Variants in MYO1B observed in about 807,000 individuals in gnomAD.
MYO1B encodes unconventional myosin-Ib.
MYO1B carries 72 observed loss-of-function variants against 159.7 expected under a neutral mutation model. That is an observed-to-expected ratio of 0.45 (90% CI 0.37 to 0.55). The LOEUF is 0.55. Among genes scored for constraint, MYO1B ranks in the 20% least tolerant of loss-of-function variants. MYO1B has a pLI of 0.00. For missense variants in MYO1B, 1,062 were observed against 1,364.8 expected, an observed-to-expected ratio of 0.78 and a Z score of 3.50; for synonymous variants, 468 against 473.8, an observed-to-expected ratio of 0.99 and a Z score of 0.16.
intron 2 of MYO1B, among the ~76,000 whole-genome samples, chr2:191,288,569 C>G (rs1169455326): frequency 6.6e-6 from 1 of 152,178 alleles, no homozygotes; most frequent in African/African-American, 2.4e-5. Flanking sequence ...ATCTAAAAGA[C>G]TCACTTCCTA....
chr2:191,372,309 A>C (rs1183470313), intron 13 of MYO1B, among the ~76,000 whole-genome samples: 1 of 152,224 alleles, frequency 6.6e-6, no homozygotes, highest in African/African-American at 2.4e-5. Flanking sequence ...AACACATGGA[A>C]AGTTTAAAAA....
At chr2:191,279,501 A>T (rs1309588524) in intron 2 of MYO1B, among the ~76,000 whole-genome samples, 1 of 152,174 alleles carries the variant, frequency 6.6e-6, no homozygotes, top group Admixed American at 6.5e-5. Context: ...ACTTAAGTCA[A>T]TCATATATTG....
chr2:191,312,812 C>T (rs1049289515), intron 3 of MYO1B, among the ~76,000 whole-genome samples: 7 of 152,162 alleles, frequency 4.6e-5, no homozygotes, highest in African/African-American at 1.4e-4. Context: ...CTTGGGCATG[C>T]CCTGGGATGC....
intron 30 of MYO1B, among the ~76,000 whole-genome samples, chr2:191,421,205 G>C (rs935028511): frequency 2.0e-5 from 3 of 151,664 alleles, no homozygotes; most frequent in African/African-American, 7.3e-5. Context: ...GAGTAGCTGA[G>C]GTTACAGGCA....
intron 5 of MYO1B, among the ~76,000 whole-genome samples, chr2:191,343,474 AAGAG>A (rs557710903): frequency 2.6e-5 from 4 of 152,216 alleles, no homozygotes; most frequent in Non-Finnish European, 5.9e-5. Flanking sequence ...TTAGTAGCAT[AAGAG>A]AGAAATGAAG....
intron 20 of MYO1B, 103 bp downstream of exon 20, chr2:191,393,325 A>T (rs1695875479): frequency 7.7e-7 from 1 of 1,305,146 alleles, no homozygotes; most frequent in African/African-American, 1.5e-5. Flanking sequence ...AATTCTCCCA[A>T]CAACCTCATG....
intron 1 of MYO1B, among the ~76,000 whole-genome samples, chr2:191,259,048 C>T (rs1686638061): frequency 6.6e-6 from 1 of 152,186 alleles, no homozygotes; most frequent in Non-Finnish European, 1.5e-5. Flanking sequence ...GTCGACTTCA[C>T]CTACTCTGTG....
intron 3 of MYO1B, among the ~76,000 whole-genome samples, chr2:191,316,307 C>T (rs1229765583): frequency 6.6e-6 from 1 of 152,054 alleles, no homozygotes; most frequent in Non-Finnish European, 1.5e-5. Flanking sequence ...AATAGATGGC[C>T]CCTCATCTCT....
intron 3 of MYO1B, among the ~76,000 whole-genome samples, chr2:191,324,678 C>A (rs985584821): frequency 6.6e-5 from 10 of 152,106 alleles, no homozygotes; most frequent in African/African-American, 1.9e-4. Context: ...GGAATGTTTA[C>A]CAGTGTTGTG....
intron 21 of MYO1B, 21 bp downstream of exon 21, chr2:191,396,518 C>CT: frequency 6.2e-7 from 1 of 1,612,220 alleles, no homozygotes; most frequent in South Asian, 1.1e-5. Flanking sequence ...AAGAAGTATG[C>CT]TTTATTTATT....
intron 5 of MYO1B, among the ~76,000 whole-genome samples, chr2:191,345,630 A>G (rs1386710981): frequency 6.6e-6 from 1 of 152,206 alleles, no homozygotes; most frequent in Non-Finnish European, 1.5e-5. Flanking sequence ...TTGTCTGGAA[A>G]GTTTCACCTA....
intron 6 of MYO1B, among the ~76,000 whole-genome samples, chr2:191,348,685 A>G (rs1302987098): frequency 1.3e-5 from 2 of 151,586 alleles, no homozygotes; most frequent in Admixed American, 6.6e-5. Context: ...CTCTTTGACT[A>G]CTTCTACTTA....
chr2:191,419,246 T>C (rs1332451383), intron 30 of MYO1B, among the ~76,000 whole-genome samples: 1 of 152,116 alleles, frequency 6.6e-6, no homozygotes, highest in Non-Finnish European at 1.5e-5. Flanking sequence ...TGAGACTCAG[T>C]CTTGCACTGT....
At chr2:191,407,916 C>T (rs1303324245) in intron 24 of MYO1B, 199 bp from the exon 25 acceptor site, 7 of 402,686 alleles carry the variant, frequency 1.7e-5, no homozygotes, top group Non-Finnish European at 2.6e-5. Flanking sequence ...ATGCTGGTTT[C>T]ATCATTTTAC....
intron 4 of MYO1B, 122 bp downstream of exon 4, chr2:191,330,151 C>A: frequency 2.8e-6 from 2 of 714,384 alleles, no homozygotes; most frequent in Non-Finnish European, 4.7e-6. Context: ...GGTGCTTCTG[C>A]AGGAGGATAC....
chr2:191,395,850 A>T (rs765990041), intron 20 of MYO1B, among the ~76,000 whole-genome samples: 1 of 152,234 alleles, frequency 6.6e-6, no homozygotes, highest in Admixed American at 6.5e-5. Flanking sequence ...GAGGGCAGGG[A>T]TGCAGTCAGA....
intron 6 of MYO1B, among the ~76,000 whole-genome samples, chr2:191,348,145 T>C (rs1692686833): frequency 6.6e-6 from 1 of 152,210 alleles, no homozygotes; most frequent in Non-Finnish European, 1.5e-5. Context: ...GTGGGAATAG[T>C]GTCATTCCAC....
chr2:191,291,468 G>A (rs1688681601), intron 2 of MYO1B, among the ~76,000 whole-genome samples: 1 of 151,984 alleles, frequency 6.6e-6, no homozygotes, highest in African/African-American at 2.4e-5. Context: ...TTTCATTCTT[G>A]TTTGCTTCTC....
chr2:191,300,492 C>T (rs1250347866), intron 3 of MYO1B, among the ~76,000 whole-genome samples: 4 of 151,800 alleles, frequency 2.6e-5, no homozygotes, highest in Non-Finnish European at 4.4e-5. Flanking sequence ...TACAGGTGCC[C>T]GCCACGACGT....
Sources: gnomAD v4.1 joint callset for allele counts (sites outside exome capture counted in the v4.1 genomes callset) on GRCh38, gnomAD v4.1.1 for gene constraint, MANE v1.5 for transcripts, NCBI Gene and HGNC (gene_info 2026-07-23, HGNC 2026-07-21) for gene names.